EPHB4: variants seen among roughly 807,000 people sequenced by gnomAD.
EPHB4 encodes EPH receptor B4.
A neutral mutation model predicts 110.6 loss-of-function variants in EPHB4; 50 were observed. The ratio of observed to expected loss-of-function variants is 0.45; its 90% CI spans 0.36 to 0.57. The LOEUF (loss-of-function observed/expected upper bound fraction) is 0.57. Ranked by LOEUF, EPHB4 falls within the 20% of genes least tolerant of loss-of-function variation. EPHB4 has a pLI of 0.00. For synonymous variants in EPHB4, 592 were observed against 578.4 expected (o/e 1.02, Z -0.34); for missense variants, 1,128 against 1,382.1 (o/e 0.82, Z 2.91).
chr7:100,818,484 T>C lies in EPHB4; in HGVS notation c.1422+36A>G, dbSNP rs367648863. The C allele has an allele frequency of 1.1e-5, 18 of 1,607,396 alleles. No individual in the cohort carries two copies. In the African/African-American group the frequency reaches 2.1e-4, roughly 19 times the overall value. ...GTCCCAGCCAGGAGAGCACAACCCA[T>C]TGCCCACCCACCCCAGGGCTGGGGG... On this transcript the variant is annotated intron_variant, in intron 7 of 16. Coordinates refer to ENST00000358173, the MANE Select transcript of EPHB4 (RefSeq NM_004444.5).
At position 100,817,297 on chromosome 7, in the gene EPHB4, G is replaced by A. The variant is rs761482515; in HGVS notation, c.1483C>T (p.Arg495Trp). Residue 495 changes from arginine to tryptophan, a missense_variant, in exon 8 of 17, where the codon CGG (arginine) becomes TGG (tryptophan). By Grantham distance (101) the Arg-to-Trp change is moderately radical. Coordinates refer to ENST00000358173, the MANE Select transcript of EPHB4 (RefSeq NM_004444.5). ...LKTSENRAEL[R>W]GLKRGASYLV... is the part of the protein sequence containing the mutation. ...TAGCTGGCTCCCCGCTTCAGCCCCC[G>A]CAGCTCTGCCCGGTTTTCTGACGTC... is the stretch of plus-strand genomic sequence containing the variant. 4.4e-6 allele frequency: 7 copies of A among 1,594,502 alleles called. No homozygotes were observed. Among genetic ancestry groups the A allele is most frequent in the South Asian group, 1.1e-5 (1 of 87,812 alleles).
In EPHB4 at chr7:100,802,592, TTC is replaced by T. The variant is rs919640620; in HGVS notation, c.*867_*868del. On this transcript the variant is annotated 3_prime_UTR_variant, in exon 17 of 17. Coordinates refer to ENST00000358173, the MANE Select transcript of EPHB4 (RefSeq NM_004444.5). ...CCCTGGAGCTGGGACACGTCCCATTTTCTTTTATTTATACAAAAAGTTACTTT... is the reference window on the plus strand; with the variant it reads ...CCCTGGAGCTGGGACACGTCCCATTTTTTTATTTATACAAAAAGTTACTTT... The T allele has an allele frequency of 1.3e-5, 2 of 152,190 alleles. No homozygotes were observed. Among genetic ancestry groups the T allele is most frequent in the Non-Finnish European group, 2.9e-5 (2 of 68,042 alleles). The allele number at this position is 152,190 out of a possible 1,614,324, so 9.4% of individuals were successfully genotyped here. A position where few individuals can be genotyped will look rare whatever the true frequency, so the allele number is the denominator to read the frequency against.
chr7:100,824,246 G>A lies in EPHB4; in HGVS notation c.80C>T (p.Thr27Ile), dbSNP rs1445076828. Residue 27 changes from threonine (T) to isoleucine (I), a missense_variant, in exon 2 of 17, where the codon ACT (threonine) becomes ATT (isoleucine). By Grantham distance (89) the Thr-to-Ile change is moderately conservative. Around this residue, in one of 3 missense-constraint regions of EPHB4, gnomAD observed 728 missense variants for 828.6 expected, o/e 0.88. Transcript: ENST00000358173. ...EETLLNTKLETADLKWVTFPQ... is the reference protein window; with the variant it reads ...EETLLNTKLEIADLKWVTFPQ... ...GAATGTCACCCACTTCAGATCAGCA[G>A]TTTCCAATTTTGTGTTCAGCAGGGT... 6.2e-7 allele frequency: 1 copy of A among 1,613,922 alleles called. No homozygotes were observed. Among genetic ancestry groups the A allele is most frequent in the Admixed American group, 1.7e-5 (1 of 59,958 alleles).
At chr7:100,808,858 TCA>T (rs1812870168) in intron 12 of EPHB4, among the ~76,000 whole-genome samples, 1 of 152,130 alleles carries the variant, frequency 6.6e-6, no homozygotes, top group South Asian at 2.1e-4. Context: ...TACTCCCCGC[TCA>T]GTTTGTGGCA....
At chr7:100,826,876 G>A in intron 1 of EPHB4, 103 bp downstream of exon 1, 3 of 1,352,244 alleles carry the variant, frequency 2.2e-6, no homozygotes, top group Non-Finnish European at 3.0e-6. Flanking sequence ...TGCAGTGCCC[G>A]GGTAGGGGTA....
Position 100,805,594 on chromosome 7 carries a change from T to C in EPHB4, c.2585A>G (p.Asn862Ser). ...LMLDCWQKDR[N>S]ARPRFPQVVS... is the part of the protein sequence containing the mutation. The stretch of plus-strand genomic sequence containing the variant: ...CACCTGGGGGAAGCGGGGCCGGGCA[T>C]TCCGGTCTTTCTGCCAACAGTCCAG... The change falls in exon 15 of 17, where the codon AAT becomes AGT. Residue 862 changes from asparagine (N) to serine (S), a missense_variant. Coordinates refer to ENST00000358173, the MANE Select transcript of EPHB4 (RefSeq NM_004444.5). 1 of 1,558,850 alleles carries C rather than the reference T, an allele frequency of 6.4e-7. No homozygotes were observed. Among genetic ancestry groups the C allele is most frequent in the Non-Finnish European group, 8.7e-7 (1 of 1,154,082 alleles).
intron 6 of EPHB4, 57 bp from the exon 7 acceptor site, chr7:100,818,701 TA>T (rs201723449): frequency 7.9e-6 from 12 of 1,511,160 alleles, no homozygotes; most frequent in South Asian, 4.8e-5. Flanking sequence ...TCCCTTAACT[TA>T]AAAAAAATTT....
intron 1 of EPHB4, 50 bp from the exon 2 acceptor site, chr7:100,824,323 T>G (rs774831543): frequency 6.3e-7 from 1 of 1,593,060 alleles, no homozygotes; most frequent in East Asian, 2.2e-5. Flanking sequence ...GGGAGGGAGG[T>G]CAGGAAGACC....
At chr7:100,808,925 C>T (rs918936329) in intron 12 of EPHB4, among the ~76,000 whole-genome samples, 9 of 152,244 alleles carry the variant, frequency 5.9e-5, no homozygotes, top group Non-Finnish European at 1.2e-4. Context: ...CCTTTGACCC[C>T]CTTTTCTCCC....
chr7:100,803,481 C>T lies in EPHB4; in HGVS notation c.2944G>A (p.Gly982Arg), dbSNP rs1392130995. The T allele has an allele frequency of 6.3e-7, 1 of 1,579,106 alleles. No homozygotes were observed. Among genetic ancestry groups the T allele is most frequent in the Non-Finnish European group, 8.6e-7 (1 of 1,160,246 alleles). ...GCAGGTCAGTACTGCGGGGCCGGTCCTCCTGTCCCACCCGGGGTTCCCGGC... is the reference window on the plus strand; with the variant it reads ...GCAGGTCAGTACTGCGGGGCCGGTCTTCCTGTCCCACCCGGGGTTCCCGGC... ...AKPGTPGGTG[G>R]PAPQY The change falls in exon 17 of 17, where the codon GGA becomes AGA. Residue 982 changes from glycine (G) to arginine (R), a missense_variant. Around this residue, in one of 3 missense-constraint regions of EPHB4, gnomAD observed 209 missense variants for 240.5 expected, o/e 0.87. Transcript: ENST00000358173.
intron 16 of EPHB4, 32 bp downstream of exon 16, chr7:100,805,134 C>T: frequency 6.2e-7 from 1 of 1,604,370 alleles, no homozygotes; most frequent in Non-Finnish European, 8.5e-7. Context: ...CCCCGCTCTC[C>T]CAGCCCCACT....
At chr7:100,824,329 A>G in intron 1 of EPHB4, 56 bp from the exon 2 acceptor site, 1 of 1,586,632 alleles carries the variant, frequency 6.3e-7, no homozygotes, top group East Asian at 2.2e-5. Flanking sequence ...GAGGTCAGGA[A>G]GACCAGATCC....
At chr7:100,824,135 G>C in intron 2 of EPHB4, 68 bp downstream of exon 2, 1 of 1,602,904 alleles carries the variant, frequency 6.2e-7, no homozygotes, top group East Asian at 2.2e-5. Context: ...ACAGAAAGCA[G>C]GCGGCACAGG....
At chr7:100,820,344 C>T (rs1272255480) in intron 4 of EPHB4, 48 bp from the exon 5 acceptor site, 17 of 1,592,726 alleles carry the variant, frequency 1.1e-5, no homozygotes, top group Non-Finnish European at 1.5e-5. Flanking sequence ...AAACATCCAT[C>T]TGCACGGTGG....
chr7:100,826,625 A>G (rs1584670008), intron 1 of EPHB4, among the ~76,000 whole-genome samples: 3 of 151,826 alleles, frequency 2.0e-5, no homozygotes, highest in East Asian at 3.9e-4. Flanking sequence ...GTACGGCGGG[A>G]GGTGGGACTG....
chr7:100,819,032 C>T (rs961538667), intron 6 of EPHB4, among the ~76,000 whole-genome samples: 2 of 152,180 alleles, frequency 1.3e-5, no homozygotes, highest in African/African-American at 4.8e-5. Flanking sequence ...TTCTGATTCT[C>T]TCTGGCCCCA....
intron 4 of EPHB4, among the ~76,000 whole-genome samples, chr7:100,821,898 C>T (rs1316324304): frequency 2.6e-5 from 4 of 151,904 alleles, no homozygotes; most frequent in East Asian, 2.0e-4. Context: ...TGGTGACGCA[C>T]GCCTGTAATC....
Position 100,822,448 on chromosome 7 carries a change from C to T in EPHB4, c.631G>A (p.Val211Met). ...TVNLTRFPET[V>M]PRELVVPVAG... ...ACGGGCACAACCAGCTCCCGAGGCA[C>T]AGTCTCCGGGAATCGAGTCAGGTTC... The change falls in exon 4 of 17, where the codon GTG (valine) becomes ATG (methionine). Residue 211 changes from valine (V) to methionine (M), a missense_variant. Val to Met is a conservative substitution (Grantham distance 21). Transcript: ENST00000358173. This position sits in a 1 kb window ranked among gnomAD's most constrained non-coding sequence, Gnocchi z 4.7. The T allele has an allele frequency of 6.2e-7, 1 of 1,605,324 alleles. No individual in the cohort carries two copies. Among genetic ancestry groups the T allele is most frequent in the Non-Finnish European group, 8.5e-7 (1 of 1,173,948 alleles).
chr7:100,818,464 A>C, intron 7 of EPHB4, 56 bp downstream of exon 7: 1 of 1,591,186 alleles, frequency 6.3e-7, no homozygotes. Context: ...CAGGTGTCCC[A>C]GCCAGGAGAG....
Sources: allele counts gnomAD v4.1 joint callset (sites outside exome capture counted in the v4.1 genomes callset), GRCh38; gene constraint gnomAD v4.1.1; regional missense constraint gnomAD v4.1.1; non-coding constraint Gnocchi (gnomAD v3.1); transcripts MANE v1.5; gene names NCBI Gene and HGNC (gene_info 2026-07-23, HGNC 2026-07-21).